Variants in NRP2 observed in about 807,000 individuals in gnomAD.
NRP2 encodes neuropilin 2, also known as neuropilin-2.
Under a neutral mutation model 110.4 loss-of-function variants are expected in NRP2, and 52 were observed. That is an observed-to-expected ratio of 0.47 (90% CI 0.38 to 0.59). NRP2 has a LOEUF of 0.59. Ranked by LOEUF, NRP2 falls within the 20% of genes least tolerant of loss-of-function variation. The pLI, the probability that NRP2 is intolerant of heterozygous loss-of-function variation, is 0.00. For synonymous variants in NRP2, 508 were observed against 468.9 expected (o/e 1.08, Z -1.08); for missense variants, 1,049 against 1,203.0 (o/e 0.87, Z 1.89).
At chr2:205,740,244 CCTT>C (rs1049961930) in intron 7 of NRP2, among the ~76,000 whole-genome samples, 1 of 152,178 alleles carries the variant, frequency 6.6e-6, no homozygotes, top group Non-Finnish European at 1.5e-5. Context: ...CAAGTGTTTT[CCTT>C]CTTCTGCCTG....
chr2:205,743,785 C>G (rs1163656453), intron 9 of NRP2: 3 of 872,728 alleles, frequency 3.4e-6, no homozygotes, highest in Middle Eastern at 3.6e-4. Context: ...TCTCTGTCAC[C>G]CAGGCTGGAG....
intron 2 of NRP2, among the ~76,000 whole-genome samples, chr2:205,707,531 C>T (rs1046160577): frequency 6.6e-6 from 1 of 152,176 alleles, no homozygotes; most frequent in Non-Finnish European, 1.5e-5. Context: ...CCAAACTGTC[C>T]CCTACTTGGA....
chr2:205,740,675 G>A lies in NRP2; in HGVS notation c.1291+12G>A. The A allele has an allele frequency of 6.2e-7, 1 of 1,613,774 alleles. No homozygotes were observed. The highest frequency in any genetic ancestry group is 8.5e-7 in the Non-Finnish European group (1 of 1,179,998). On this transcript the variant is annotated intron_variant, in intron 8 of 16. Transcript: ENST00000357785. ...CTGCCGGGTCACAGGTGAGGTGGGG[G>A]CTCCAATGAGGTTGGGGTGCTGATT...
chr2:205,745,248 T>C (rs1339371905), intron 9 of NRP2, among the ~76,000 whole-genome samples: 4 of 152,238 alleles, frequency 2.6e-5, no homozygotes, highest in Non-Finnish European at 1.5e-5. Context: ...GTCATTGGCC[T>C]AGGGGTCATT....
intron 7 of NRP2, among the ~76,000 whole-genome samples, chr2:205,734,028 G>A (rs1320009679): frequency 6.6e-6 from 1 of 152,188 alleles, no homozygotes; most frequent in Admixed American, 6.5e-5. Context: ...CCTTCATGTA[G>A]GAAAGCTGCC....
At position 205,776,717 on chromosome 2, in the gene NRP2, T is replaced by C. The variant is rs540468984; in HGVS notation, c.2425+9914T>C. On this transcript the variant is annotated intron_variant, in intron 15 of 16. Coordinates refer to ENST00000357785, the MANE Select transcript of NRP2 (RefSeq NM_003872.3). The stretch of plus-strand genomic sequence containing the variant: ...GGTTCATTTTGGTTTCTGGTTTTTC[T>C]TTTTCCTTTTTGTTGATTCCAAACC... 3.7e-5 allele frequency: 55 copies of C among 1,480,022 alleles called. No individual in the cohort carries two copies. In the East Asian group the frequency reaches 1.2e-3, roughly 32 times the overall value. 91.7% of individuals were successfully genotyped at this position (1,480,022 alleles called of 1,614,324 possible). A position where few individuals can be genotyped will look rare whatever the true frequency, so the allele number is the denominator to read the frequency against.
intron 2 of NRP2, among the ~76,000 whole-genome samples, chr2:205,709,444 C>T (rs188089105): frequency 7.4e-4 from 112 of 152,306 alleles, no homozygotes; most frequent in South Asian, 6.8e-3. Flanking sequence ...CATGTACCTT[C>T]GCAATCCTGC....
intron 10 of NRP2, among the ~76,000 whole-genome samples, chr2:205,746,948 A>G (rs1463247259): frequency 6.6e-6 from 1 of 152,144 alleles, no homozygotes; most frequent in African/African-American, 2.4e-5. Flanking sequence ...CAGCGAACAC[A>G]TCTTCATAGG....
chr2:205,734,249 A>G (rs2057299137), intron 7 of NRP2, among the ~76,000 whole-genome samples: 1 of 152,052 alleles, frequency 6.6e-6, no homozygotes, highest in Non-Finnish European at 1.5e-5. Flanking sequence ...CTAACTCTAT[A>G]TCTGGCTAAG....
chr2:205,761,772 C>T (rs763745183), intron 12 of NRP2, among the ~76,000 whole-genome samples: 7 of 152,210 alleles, frequency 4.6e-5, no homozygotes, highest in Non-Finnish European at 7.3e-5. Flanking sequence ...TCAGGGGTCT[C>T]GGCTCTGCCA....
rs943783842 is a variant in NRP2, at chr2:205,796,869, A to G, written c.*1811A>G. 1 of 152,664 alleles carries G rather than the reference A, an allele frequency of 6.6e-6. No individual in the cohort carries two copies. Among genetic ancestry groups the G allele is most frequent in the Non-Finnish European group, 1.5e-5 (1 of 68,054 alleles). 9.5% of individuals were successfully genotyped at this position (152,664 alleles called of 1,614,324 possible). The stretch of plus-strand genomic sequence containing the variant: ...TCAGACCATTTTTGCTGCTGTGGTC[A>G]CCCACGATTTCATTTGTCTTATACC... On this transcript the variant is annotated 3_prime_UTR_variant, in exon 17 of 17. Transcript: ENST00000357785.
chr2:205,707,826 C>A (rs1282563047), intron 2 of NRP2, among the ~76,000 whole-genome samples: 1 of 152,144 alleles, frequency 6.6e-6, no homozygotes, highest in Non-Finnish European at 1.5e-5. Context: ...GAACTGTTCA[C>A]CCTGCCGAGT....
Position 205,750,723 on chromosome 2 carries a change from G to A in NRP2, c.1903+882G>A, listed in dbSNP as rs376770428. On this transcript the variant is annotated intron_variant, in intron 11 of 16. Coordinates refer to ENST00000357785, the MANE Select transcript of NRP2 (RefSeq NM_003872.3). ...AGTAAATTACTGATCATTATTAAAT[G>A]TTCATTAAACAAAATGAGGGAAGAT... 3.9e-5 allele frequency among the ~76,000 whole-genome samples: 6 copies of A among 152,250 alleles called. No homozygotes were observed. In the East Asian group the frequency reaches 9.6e-4, roughly 24 times the overall value.
intron 7 of NRP2, among the ~76,000 whole-genome samples, chr2:205,737,053 T>A (rs1034045682): frequency 3.3e-5 from 5 of 152,240 alleles, no homozygotes; most frequent in Admixed American, 2.0e-4. Context: ...TTTTCATAAA[T>A]TGCACTTTGA....
intron 2 of NRP2, 91 bp from the exon 3 acceptor site, chr2:205,716,102 A>T: frequency 7.3e-7 from 1 of 1,376,144 alleles, no homozygotes; most frequent in Non-Finnish European, 1.0e-6. Context: ...TAACTTCTGC[A>T]AATGAATAGA....
At chr2:205,775,449 T>C (rs1458882595) in intron 15 of NRP2, among the ~76,000 whole-genome samples, 2 of 152,074 alleles carry the variant, frequency 1.3e-5, no homozygotes, top group African/African-American at 4.8e-5. Context: ...TTTCCCTCCC[T>C]CTCTCTCTCA....
intron 15 of NRP2, chr2:205,778,620 T>G (rs2058135871): frequency 6.6e-6 from 1 of 152,224 alleles, no homozygotes; most frequent in Non-Finnish European, 1.5e-5. Context: ...ATGATTGACA[T>G]TCCTGTAGGT....
At chr2:205,752,450 AC>A (rs1429277161) in intron 11 of NRP2, 1 of 317,658 alleles carries the variant, frequency 3.1e-6, no homozygotes, top group Non-Finnish European at 6.0e-6. Flanking sequence ...ATGAGATAAT[AC>A]TTTTTTTGGG....
chr2:205,698,207 G>GAA (rs201417718), intron 2 of NRP2, among the ~76,000 whole-genome samples: 22 of 126,864 alleles, frequency 1.7e-4, no homozygotes, highest in South Asian at 1.0e-3. Flanking sequence ...TTTTCTTATA[G>GAA]AAAAAAAAAA....
Sources: gnomAD v4.1 joint callset for allele counts (sites outside exome capture counted in the v4.1 genomes callset) on GRCh38, gnomAD v4.1.1 for gene constraint, MANE v1.5 for transcripts, NCBI Gene and HGNC (gene_info 2026-07-23, HGNC 2026-07-21) for gene names.